PRPF40B: variants seen among roughly 807,000 people sequenced by gnomAD.
PRPF40B encodes pre-mRNA processing factor 40B.
In PRPF40B, 56 loss-of-function variants were observed where a neutral mutation model predicts 124.5. That is an observed-to-expected ratio of 0.45 (90% confidence interval 0.36 to 0.56). The LOEUF (loss-of-function observed/expected upper bound fraction) is 0.56. Ranked by LOEUF, PRPF40B falls within the 20% of genes least tolerant of loss-of-function variation. The pLI, the probability that PRPF40B is intolerant of heterozygous loss-of-function variation, is 0.00. For missense variants in PRPF40B, 1,053 were observed against 1,169.5 expected, an observed-to-expected ratio of 0.90 and a Z score of 1.45; for synonymous variants, 443 against 426.4, an observed-to-expected ratio of 1.04 and a Z score of -0.48.
In PRPF40B at chr12:49,634,083, G is replaced by T. The variant is rs1318410614; in HGVS notation, c.803G>T (p.Gly268Val). 1.2e-6 allele frequency: 2 copies of T among 1,612,284 alleles called. No homozygotes were observed. Among genetic ancestry groups the T allele is most frequent in the Non-Finnish European group, 1.7e-6 (2 of 1,179,730 alleles). The change falls in exon 10 of 26, where the codon GGC becomes GTC. Residue 268 changes from glycine (G) to valine (V), a missense_variant. By Grantham distance (109) the Gly-to-Val change is moderately radical (BLOSUM62 -3). Coordinates refer to ENST00000548825, the MANE Select transcript of PRPF40B (RefSeq NM_001031698.3). ...GGGTTCCTGCAGCAGCTGGAGGAGG[G>T]CCCCAGCAGGTGAGGGCTGCCCCCC... Reference protein sequence around the residue: ...EQGFLQQLEEGPSSSGQHQPQ... With the variant: ...EQGFLQQLEEVPSSSGQHQPQ...
At chr12:49,634,137 C>G (rs1413569090) in intron 10 of PRPF40B, 45 bp downstream of exon 10, 1 of 1,596,348 alleles carries the variant, frequency 6.3e-7, no homozygotes, top group African/African-American at 1.3e-5. Flanking sequence ...GCCTCAGACT[C>G]CCAGCCTGGT....
chr12:49,623,809 G>T, intron 1 of PRPF40B: 1 of 1,204,252 alleles, frequency 8.3e-7, no homozygotes, highest in South Asian at 4.3e-5. Context: ...GAGCCTGGCC[G>T]GGGGCGAAAG....
At chr12:49,637,875 TC>T in intron 18 of PRPF40B, 51 bp downstream of exon 18, 3 of 1,428,184 alleles carry the variant, frequency 2.1e-6, no homozygotes, top group Non-Finnish European at 3.0e-6. Flanking sequence ...CAGGGCACAC[TC>T]CCTGCAGAGG....
At position 49,636,778 on chromosome 12, in the gene PRPF40B, G is replaced by A. The variant is rs772230038; in HGVS notation, c.1489G>A (p.Glu497Lys). 9.3e-6 allele frequency: 15 copies of A among 1,614,150 alleles called. No homozygotes were observed. The Admixed American group carries it at 2.5e-4, about 27-fold the overall frequency. ...EEHIRALERE[E>K]EEERERARLR... The stretch of plus-strand genomic sequence containing the variant: ...GCACATCCGAGCTTTGGAGAGGGAA[G>A]AGGAGGAGGAACGGGAGCGGGCCCG... The change falls in exon 16 of 26, where the codon GAG (glutamate) becomes AAG (lysine). Residue 497 changes from glutamate (E) to lysine (K), a missense_variant. Glu to Lys is a moderately conservative substitution (Grantham distance 56). This residue lies in a region of PRPF40B where 895 missense variants were observed against 1,052.2 expected (regional missense o/e 0.85). Coordinates refer to ENST00000548825, the MANE Select transcript of PRPF40B (RefSeq NM_001031698.3).
chr12:49,637,676 GC>G, intron 17 of PRPF40B, 56 bp from the exon 18 acceptor site: 2 of 1,519,600 alleles, frequency 1.3e-6, no homozygotes, highest in Non-Finnish European at 1.8e-6. Context: ...CCTCGGCCCA[GC>G]CCCCAGGCCT....
In PRPF40B at chr12:49,631,855, C is replaced by T; in HGVS notation, c.229-5C>T. 6.2e-7 allele frequency: 1 copy of T among 1,613,650 alleles called. No individual in the cohort carries two copies. The highest frequency in any genetic ancestry group is 1.1e-5 in the South Asian group (1 of 91,068). ...GGTTGGTTTCTGTCTTCTTTGTATC[C>T]ATAGATACCAGGAATGGTACCTCCG... On this transcript the variant is annotated splice_region_variant and splice_polypyrimidine_tract_variant and intron_variant, in intron 3 of 25. Transcript: ENST00000548825. This position sits in a 1 kb window ranked among gnomAD's most constrained non-coding sequence, Gnocchi z 4.3.
At position 49,630,596 on chromosome 12, in the gene PRPF40B, C is replaced by T. The variant is rs1289118744; in HGVS notation, c.55C>T (p.Pro19Ser). 4.4e-6 allele frequency: 6 copies of T among 1,348,964 alleles called. No individual in the cohort carries two copies. In the South Asian group the frequency reaches 7.1e-5, roughly 16 times the overall value. 83.6% of individuals were successfully genotyped at this position (1,348,964 alleles called of 1,614,324 possible). A position where few individuals can be genotyped will look rare whatever the true frequency, so the allele number is the denominator to read the frequency against. Residue 19 changes from proline to serine, a missense_variant, in exon 2 of 26, where the codon CCG (proline) becomes TCG (serine). Physicochemically the swap from Pro to Ser is moderately conservative, Grantham distance 74 (BLOSUM62 -1). Coordinates refer to ENST00000548825, the MANE Select transcript of PRPF40B (RefSeq NM_001031698.3). ...CCCAGCAGCGCCTGCCCCCTTCCCA[C>T]CGGGGCCCCCCATGATGCCACCACC... ...RPPAAPAPFP[P>S]GPPMMPPPFM...
In PRPF40B at chr12:49,635,297, C is replaced by T. The variant is rs748700839; in HGVS notation, c.1166+34C>T. ...GCCAGGCTGGGCTGGGACTTGGGAA[C>T]CCTGAGAACACAAAGGTCCAGGGTC... On this transcript the variant is annotated intron_variant, in intron 13 of 25. Coordinates refer to ENST00000548825, the MANE Select transcript of PRPF40B (RefSeq NM_001031698.3). The surrounding 1 kb of genome is among the most constrained non-coding windows in gnomAD (Gnocchi z 4.1). 7 of 1,609,264 alleles carry T rather than the reference C, an allele frequency of 4.3e-6. No individual in the cohort carries two copies. The Admixed American group carries it at 6.7e-5, about 15-fold the overall frequency.
chr12:49,627,678 G>A (rs767120790), intron 1 of PRPF40B, among the ~76,000 whole-genome samples: 5 of 152,168 alleles, frequency 3.3e-5, no homozygotes, highest in Admixed American at 6.5e-5. Flanking sequence ...GCAGTGGGAA[G>A]CCATTGAAGA....
chr12:49,644,232 A>G lies in PRPF40B; in HGVS notation c.*40A>G. 1.2e-6 allele frequency: 2 copies of G among 1,604,760 alleles called. No individual in the cohort carries two copies. Among genetic ancestry groups the G allele is most frequent in the Non-Finnish European group, 1.7e-6 (2 of 1,171,954 alleles). On this transcript the variant is annotated 3_prime_UTR_variant, in exon 26 of 26. Coordinates refer to ENST00000548825, the MANE Select transcript of PRPF40B (RefSeq NM_001031698.3). ...CTCTGCCTCGGGTCTGTGTGAGGCC[A>G]TGGCTCCTGGGCCACCCTCACCGTC...
chr12:49,627,004 C>A (rs1940779176), intron 1 of PRPF40B, among the ~76,000 whole-genome samples: 1 of 152,174 alleles, frequency 6.6e-6, no homozygotes, highest in South Asian at 2.1e-4. Context: ...CCAGTGGCCC[C>A]CTACTGTTTT....
In PRPF40B at chr12:49,642,343, GC is replaced by G; in HGVS notation, c.1994del (p.Ala665ValfsTer4). ...FRSMLRQAVPALELGTAWEEV... is the reference protein window; with the variant it reads ...FRSMLRQAVPXLELGTAWEEV... ...AAGCATGCTGAGGCAGGCTGTGCCT[GC>G]TCTGGAGCTAGGCACTGCCTGGGAA... On this transcript the variant is annotated frameshift_variant, in exon 20 of 26. Coordinates refer to ENST00000548825, the MANE Select transcript of PRPF40B (RefSeq NM_001031698.3). LOFTEE classifies it high-confidence loss of function. The surrounding 1 kb of genome is among the most constrained non-coding windows in gnomAD (Gnocchi z 5.8). 1 of 1,613,952 alleles carries G rather than the reference GC, an allele frequency of 6.2e-7. No homozygotes were observed. The highest frequency in any genetic ancestry group is 8.5e-7 in the Non-Finnish European group (1 of 1,180,040).
intron 1 of PRPF40B, among the ~76,000 whole-genome samples, chr12:49,629,873 G>T (rs1279590122): frequency 2.0e-5 from 3 of 152,204 alleles, no homozygotes; most frequent in Non-Finnish European, 4.4e-5. Flanking sequence ...CAGGGAGATA[G>T]TTCAGGATTT....
intron 1 of PRPF40B, chr12:49,624,276 G>A: frequency 1.5e-6 from 1 of 665,156 alleles, no homozygotes; most frequent in South Asian, 6.7e-5. Context: ...AAATGAATAG[G>A]TTTTTGAGGA....
chr12:49,628,700 C>T (rs1439256853), intron 1 of PRPF40B, among the ~76,000 whole-genome samples: 16 of 151,880 alleles, frequency 1.1e-4, no homozygotes, highest in Admixed American at 9.9e-4. Flanking sequence ...GTAGCTGGGA[C>T]TAAAGGTGCC....
Position 49,632,853 on chromosome 12 carries a change from A to G in PRPF40B, c.323-2A>G. 1.2e-6 allele frequency: 2 copies of G among 1,613,854 alleles called. No homozygotes were observed. The highest frequency in any genetic ancestry group is 1.7e-6 in the Non-Finnish European group (2 of 1,180,004). The stretch of plus-strand genomic sequence containing the variant: ...AGTATGTATCCTTTGGCTTTTTTCT[A>G]GCTGCTGTGGCTGGGACAGGCCCTC... On this transcript the variant is annotated splice_acceptor_variant, in intron 5 of 25. Transcript: ENST00000548825. LOFTEE classifies it high-confidence loss of function.
chr12:49,629,208 TCTGA>T (rs1489401692), intron 1 of PRPF40B, among the ~76,000 whole-genome samples: 2 of 152,274 alleles, frequency 1.3e-5, no homozygotes, highest in South Asian at 2.1e-4. Flanking sequence ...ATCTTTTGTC[TCTGA>T]CTTTTATACA....
chr12:49,642,132 G>A lies in PRPF40B; in HGVS notation c.1885-103G>A. ...TATATTCCCAATTCAGGGGATGGTG[G>A]TAGAAGCCCAGACCCTAACTTTCCA... On this transcript the variant is annotated intron_variant, in intron 19 of 25. Coordinates refer to ENST00000548825, the MANE Select transcript of PRPF40B (RefSeq NM_001031698.3). The surrounding 1 kb of genome is among the most constrained non-coding windows in gnomAD (Gnocchi z 5.8). The A allele has an allele frequency of 5.0e-6, 8 of 1,604,480 alleles. No individual in the cohort carries two copies. The highest frequency in any genetic ancestry group is 1.7e-4 in the Middle Eastern group (1 of 6,040).
chr12:49,638,757 A>T (rs905372735), intron 18 of PRPF40B: 2 of 152,238 alleles, frequency 1.3e-5, no homozygotes, highest in Admixed American at 6.5e-5. Flanking sequence ...GTGACCTTGG[A>T]TAGGTCACTT....
Sources: gnomAD v4.1 joint callset for allele counts (sites outside exome capture counted in the v4.1 genomes callset) on GRCh38, gnomAD v4.1.1 for gene constraint, gnomAD v4.1.1 regional missense constraint, Gnocchi (gnomAD v3.1) non-coding constraint, MANE v1.5 for transcripts, NCBI Gene and HGNC (gene_info 2026-07-23, HGNC 2026-07-21) for gene names.